Variants in RABGAP1L observed in about 807,000 individuals in gnomAD.
RABGAP1L encodes the protein rab GTPase-activating protein 1-like.
RABGAP1L carries 63 observed loss-of-function variants against 137.7 expected under a neutral mutation model. The ratio of observed to expected loss-of-function variants is 0.46; its 90% confidence interval spans 0.37 to 0.56. RABGAP1L has a LOEUF of 0.56. RABGAP1L is among the 20% of genes least tolerant of loss of function. RABGAP1L has a pLI of 0.00. For synonymous variants in RABGAP1L, 431 were observed against 433.7 expected (o/e 0.99, Z 0.08); for missense variants, 1,095 against 1,244.0 (o/e 0.88, Z 1.80).
intron 13 of RABGAP1L, among the ~76,000 whole-genome samples, chr1:174,487,169 T>C (rs1259717254): frequency 6.6e-6 from 1 of 152,164 alleles, no homozygotes; most frequent in African/African-American, 2.4e-5. Flanking sequence ...TAACTGATGT[T>C]TCCTTGTTGA....
At chr1:174,945,272 T>G (rs1158387941) in intron 19 of RABGAP1L, among the ~76,000 whole-genome samples, 2 of 152,220 alleles carry the variant, frequency 1.3e-5, no homozygotes, top group South Asian at 4.1e-4. Context: ...CAATTTTTAG[T>G]GCTTGGTAGT....
chr1:174,627,965 A>G (rs528249579), intron 13 of RABGAP1L, among the ~76,000 whole-genome samples: 1 of 152,290 alleles, frequency 6.6e-6, no homozygotes, highest in Admixed American at 6.5e-5. Context: ...CATGACTTCA[A>G]CTATTTTTTA....
At chr1:174,607,017 A>G (rs1316881535) in intron 13 of RABGAP1L, among the ~76,000 whole-genome samples, 1 of 152,228 alleles carries the variant, frequency 6.6e-6, no homozygotes, top group Non-Finnish European at 1.5e-5. Context: ...CTATGATATT[A>G]GTAATCTGGG....
At chr1:174,934,626 C>CA (rs1271245880) in intron 19 of RABGAP1L, among the ~76,000 whole-genome samples, 2 of 151,422 alleles carry the variant, frequency 1.3e-5, no homozygotes, top group Non-Finnish European at 2.9e-5. Flanking sequence ...CTCATCTCCC[C>CA]AAAAAAATAC....
At chr1:174,877,377 C>A in intron 19 of RABGAP1L, 1 of 1,509,230 alleles carries the variant, frequency 6.6e-7, no homozygotes, top group Non-Finnish European at 8.9e-7. Context: ...TGACACTCCA[C>A]CCCCTCGAAC....
chr1:174,195,298 T>G (rs1397843546), intron 1 of RABGAP1L, among the ~76,000 whole-genome samples: 1 of 152,204 alleles, frequency 6.6e-6, no homozygotes, highest in Non-Finnish European at 1.5e-5. Context: ...TTTTTTCCTC[T>G]TTGTAGATAA....
intron 1 of RABGAP1L, among the ~76,000 whole-genome samples, chr1:174,216,813 A>G (rs1669362808): frequency 6.6e-6 from 1 of 152,100 alleles, no homozygotes; most frequent in Non-Finnish European, 1.5e-5. Flanking sequence ...GCAAGGGTGT[A>G]TTGGGCCTTG....
chr1:174,740,823 G>A (rs1683334166), intron 17 of RABGAP1L, among the ~76,000 whole-genome samples: 1 of 151,856 alleles, frequency 6.6e-6, no homozygotes, highest in Admixed American at 6.6e-5. Flanking sequence ...TGATTCATGA[G>A]GTTGAACATT....
chr1:174,532,189 A>C (rs909581891), intron 13 of RABGAP1L, among the ~76,000 whole-genome samples: 1 of 151,636 alleles, frequency 6.6e-6, no homozygotes, highest in African/African-American at 2.4e-5. Context: ...GAAGGATCAC[A>C]GGAGTTTTTT....
At chr1:174,853,653 C>T (rs1648766528) in intron 19 of RABGAP1L, among the ~76,000 whole-genome samples, 1 of 152,126 alleles carries the variant, frequency 6.6e-6, no homozygotes, top group Non-Finnish European at 1.5e-5. Flanking sequence ...ATTGCTTGAA[C>T]CTGGGAGGTG....
chr1:174,357,422 T>G (rs1189686565), intron 11 of RABGAP1L, among the ~76,000 whole-genome samples: 2 of 152,202 alleles, frequency 1.3e-5, no homozygotes, highest in African/African-American at 4.8e-5. Context: ...AAAAAATTCT[T>G]TTATTTATTT....
At chr1:174,724,462 A>C (rs557010033) in intron 17 of RABGAP1L, among the ~76,000 whole-genome samples, 27 of 152,354 alleles carry the variant, frequency 1.8e-4, no homozygotes, top group African/African-American at 6.5e-4. Context: ...GAGAAGCCAA[A>C]AAGGGAGCAG....
At chr1:174,263,710 C>CTT (rs879804697) in intron 7 of RABGAP1L, among the ~76,000 whole-genome samples, 2 of 145,060 alleles carry the variant, frequency 1.4e-5, no homozygotes, top group Admixed American at 6.9e-5. Flanking sequence ...CTTTTATTTA[C>CTT]TTTTTTTTTT....
intron 13 of RABGAP1L, among the ~76,000 whole-genome samples, chr1:174,635,481 A>C (rs1673930200): frequency 6.6e-6 from 1 of 152,166 alleles, no homozygotes; most frequent in East Asian, 1.9e-4. Flanking sequence ...AGATAAAAGA[A>C]ATGTTTCATA....
Position 174,990,045 on chromosome 1 carries a change from G to A in RABGAP1L, c.*44G>A. ...ACAAGAGCACAATGTTCAAACCAATGGAAATCTGGGAGGATTCTTCCTGGT... is the reference window on the plus strand; with the variant it reads ...ACAAGAGCACAATGTTCAAACCAATAGAAATCTGGGAGGATTCTTCCTGGT... On this transcript the variant is annotated 3_prime_UTR_variant, in exon 26 of 26. Transcript: ENST00000681986. 2 of 1,463,776 alleles carry A rather than the reference G, an allele frequency of 1.4e-6. No homozygotes were observed. The highest frequency in any genetic ancestry group is 1.9e-6 in the Non-Finnish European group (2 of 1,079,276). The allele number at this position is 1,463,776 out of a possible 1,614,324, so 90.7% of individuals were successfully genotyped here. A position where few individuals can be genotyped will look rare whatever the true frequency, so the allele number is the denominator to read the frequency against.
chr1:174,430,795 A>G (rs1652539677), intron 13 of RABGAP1L, among the ~76,000 whole-genome samples: 1 of 152,232 alleles, frequency 6.6e-6, no homozygotes, highest in Non-Finnish European at 1.5e-5. Flanking sequence ...AAAAATAATT[A>G]AACTCATGAT....
At chr1:174,507,963 T>C (rs1165256018) in intron 13 of RABGAP1L, among the ~76,000 whole-genome samples, 1 of 152,152 alleles carries the variant, frequency 6.6e-6, no homozygotes. Flanking sequence ...AGTAAAGGCA[T>C]GCTTTAATAT....
chr1:174,510,690 A>T (rs139561642), intron 13 of RABGAP1L, among the ~76,000 whole-genome samples: 1 of 152,272 alleles, frequency 6.6e-6, no homozygotes, highest in East Asian at 1.9e-4. Flanking sequence ...ACAAAACCCC[A>T]CTCAAAGGTC....
At chr1:174,840,686 G>A (rs893523528) in intron 19 of RABGAP1L, among the ~76,000 whole-genome samples, 3 of 150,966 alleles carry the variant, frequency 2.0e-5, no homozygotes, top group Non-Finnish European at 4.4e-5. Flanking sequence ...CGTGGTGGCA[G>A]GCACCTGTAA....
Sources: allele counts gnomAD v4.1 joint callset (sites outside exome capture counted in the v4.1 genomes callset), GRCh38; gene constraint gnomAD v4.1.1; transcripts MANE v1.5; gene names NCBI Gene and HGNC (gene_info 2026-07-23, HGNC 2026-07-21).